The following RAPGEF5 variants were observed in gnomAD, a reference collection of about 807,000 sequenced individuals.
RAPGEF5 encodes Rap guanine nucleotide exchange factor 5, also known as M-Ras-regulated GEF.
Under a neutral mutation model 125.2 loss-of-function variants are expected in RAPGEF5, and 65 were observed. The observed-to-expected ratio is 0.52, with a 90% confidence interval of 0.43 to 0.64. The LOEUF (loss-of-function observed/expected upper bound fraction) is 0.64. RAPGEF5 is among the 30% of genes least tolerant of loss of function. The pLI is 0.00. For missense variants in RAPGEF5, 958 were observed against 1,048.1 expected (o/e 0.91, Z 1.19); for synonymous variants, 391 against 385.9 (o/e 1.01, Z -0.16).
chr7:22,302,078 A>C (rs1783220228), intron 5 of RAPGEF5, among the ~76,000 whole-genome samples: 2 of 152,188 alleles, frequency 1.3e-5, no homozygotes, highest in Admixed American at 1.3e-4. Context: ...TGCTGGTGAC[A>C]AGTGGTTGTC....
intron 5 of RAPGEF5, among the ~76,000 whole-genome samples, chr7:22,293,097 C>T (rs1376713312): frequency 1.3e-5 from 2 of 152,224 alleles, no homozygotes; most frequent in Non-Finnish European, 2.9e-5. Flanking sequence ...GAGTGATGAT[C>T]TCCCAAGAGC....
At chr7:22,224,020 C>T (rs562451994) in intron 8 of RAPGEF5, among the ~76,000 whole-genome samples, 1 of 152,304 alleles carries the variant, frequency 6.6e-6, no homozygotes, top group South Asian at 2.1e-4. Flanking sequence ...AACGCAGCTA[C>T]ATTCCAATGA....
In RAPGEF5 at chr7:22,285,742, G is replaced by C. The variant is rs1782781873; in HGVS notation, c.747+5433C>G. On this transcript the variant is annotated intron_variant, in intron 6 of 25. Transcript: ENST00000665637. ...TCAGGTGAAAGATGAGACAGGACTT[G>C]ACTGGCAAGTAAGATTTTAGTCCAG... Among the ~76,000 whole-genome samples, 5 of 152,208 alleles carry C rather than the reference G, an allele frequency of 3.3e-5. No homozygotes were observed. In the South Asian group the frequency reaches 1.0e-3, roughly 32 times the overall value.
intron 1 of RAPGEF5, among the ~76,000 whole-genome samples, chr7:22,353,663 A>T (rs1382679724): frequency 6.6e-6 from 1 of 152,200 alleles, no homozygotes; most frequent in Non-Finnish European, 1.5e-5. Flanking sequence ...CAGGTTGTGC[A>T]TTACTTTGCT....
intron 24 of RAPGEF5, among the ~76,000 whole-genome samples, chr7:22,127,617 GTTTCAT>G (rs1457348610): frequency 1.3e-5 from 2 of 152,142 alleles, no homozygotes; most frequent in East Asian, 3.8e-4. Flanking sequence ...TCTCTACTTT[GTTTCAT>G]ATCACAATAC....
intron 7 of RAPGEF5, among the ~76,000 whole-genome samples, chr7:22,247,216 T>C (rs1786500341): frequency 6.6e-6 from 1 of 152,220 alleles, no homozygotes; most frequent in Non-Finnish European, 1.5e-5. Context: ...GACCCAGCAA[T>C]CCCATTACTG....
At chr7:22,234,348 T>G (rs1486339075) in intron 7 of RAPGEF5, among the ~76,000 whole-genome samples, 2 of 151,816 alleles carry the variant, frequency 1.3e-5, no homozygotes, top group Non-Finnish European at 2.9e-5. Context: ...AGAATAAGAG[T>G]TGGTTGGGGA....
intron 1 of RAPGEF5, among the ~76,000 whole-genome samples, chr7:22,318,722 C>T (rs1246771803): frequency 6.6e-6 from 1 of 152,178 alleles, no homozygotes; most frequent in African/African-American, 2.4e-5. Flanking sequence ...TCAATGCTTC[C>T]CAGAATCCCA....
At chr7:22,208,468 G>A (rs1199852569) in intron 9 of RAPGEF5, among the ~76,000 whole-genome samples, 1 of 152,158 alleles carries the variant, frequency 6.6e-6, no homozygotes, top group Non-Finnish European at 1.5e-5. Flanking sequence ...TGCTGATGGT[G>A]GAGAAACTGT....
intron 1 of RAPGEF5, among the ~76,000 whole-genome samples, chr7:22,344,234 G>GAGAC (rs1255595133): frequency 6.6e-6 from 1 of 152,106 alleles, no homozygotes. Flanking sequence ...TCTCACCATG[G>GAGAC]CTACACCTCC....
Position 22,145,211 on chromosome 7 carries a change from G to C in RAPGEF5, c.2019C>G (p.Ile673Met), listed in dbSNP as rs1323375465. The stretch of plus-strand genomic sequence containing the variant: ...TTCCCTGTCTGCTGAACGTGAAGTA[G>C]ATCAGCTCTTGCTGAAAGAAAATGT... ...LFNSIHEQEL[I>M]YFTFSRQGSG... The change falls in exon 20 of 26, where the codon ATC (isoleucine) becomes ATG (methionine). Residue 673 changes from isoleucine (I) to methionine (M), a missense_variant. Coordinates refer to ENST00000665637, the MANE Select transcript of RAPGEF5 (RefSeq NM_012294.5). 6.2e-6 allele frequency: 10 copies of C among 1,611,458 alleles called. No individual in the cohort carries two copies. The highest frequency in any genetic ancestry group is 1.7e-5 in the Admixed American group (1 of 59,702).
At chr7:22,235,892 T>C (rs1786174371) in intron 7 of RAPGEF5, among the ~76,000 whole-genome samples, 1 of 152,206 alleles carries the variant, frequency 6.6e-6, no homozygotes, top group Non-Finnish European at 1.5e-5. Context: ...CTCAAATCTT[T>C]TCCATTCTTT....
chr7:22,230,898 T>C lies in RAPGEF5; in HGVS notation c.818A>G (p.Asn273Ser). The C allele has an allele frequency of 2.6e-6, 4 of 1,563,178 alleles. No individual in the cohort carries two copies. In the South Asian group the frequency reaches 3.5e-5, roughly 14 times the overall value. Residue 273 changes from asparagine (N) to serine (S), a missense_variant, in exon 8 of 26, where the codon AAC (asparagine) becomes AGC (serine). Transcript: ENST00000665637. The stretch of plus-strand genomic sequence containing the variant: ...TGTTACAGCTACATGTTTGTCGTTG[T>C]TTTCTTCATCTTGTTCAATTGCTTA... ...RKSAIEQDEE[N>S]NDKHVAVTEA...
At chr7:22,306,807 G>T (rs1783353201) in intron 5 of RAPGEF5, among the ~76,000 whole-genome samples, 1 of 152,168 alleles carries the variant, frequency 6.6e-6, no homozygotes, top group Non-Finnish European at 1.5e-5. Flanking sequence ...TTATTAAAGA[G>T]ACTGTGTCTT....
chr7:22,269,748 C>A (rs562456493), intron 6 of RAPGEF5, among the ~76,000 whole-genome samples: 152 of 152,250 alleles, frequency 1.0e-3, no homozygotes, highest in Admixed American at 2.0e-3. Flanking sequence ...AATAAGGGAC[C>A]TGTTGGCACT....
intron 3 of RAPGEF5, among the ~76,000 whole-genome samples, chr7:22,313,393 T>C (rs1783517438): frequency 6.6e-6 from 1 of 152,236 alleles, no homozygotes; most frequent in Admixed American, 6.5e-5. Context: ...ATGTGGGGAA[T>C]ACTTTACCTC....
chr7:22,224,677 G>A (rs553586208), intron 8 of RAPGEF5, among the ~76,000 whole-genome samples: 3 of 152,156 alleles, frequency 2.0e-5, no homozygotes, highest in Admixed American at 2.0e-4. Context: ...ACACATATGA[G>A]AGTACTGGAT....
At chr7:22,147,974 T>TA (rs1554317733) in intron 18 of RAPGEF5, among the ~76,000 whole-genome samples, 3 of 152,080 alleles carry the variant, frequency 2.0e-5, no homozygotes, top group Non-Finnish European at 4.4e-5. Context: ...CTATTTTTTT[T>TA]AAAAAACCTA....
At chr7:22,301,802 T>C (rs1238977258) in intron 5 of RAPGEF5, among the ~76,000 whole-genome samples, 1 of 152,152 alleles carries the variant, frequency 6.6e-6, no homozygotes. Context: ...GATTTTTTTA[T>C]GAATTTAGAA....
Sources: allele counts gnomAD v4.1 joint callset (sites outside exome capture counted in the v4.1 genomes callset), GRCh38; gene constraint gnomAD v4.1.1; transcripts MANE v1.5; gene names NCBI Gene and HGNC (gene_info 2026-07-23, HGNC 2026-07-21).